SLC12A7: variants seen among roughly 807,000 people sequenced by gnomAD.
The protein encoded by SLC12A7 is solute carrier family 12 member 7.
SLC12A7 carries 100 observed loss-of-function variants against 120.6 expected under a neutral mutation model. That is an observed-to-expected ratio of 0.83 (90% confidence interval 0.71 to 0.98). The LOEUF is 0.98. Among genes scored for constraint, SLC12A7 ranks in the 50% least tolerant of loss-of-function variants. The pLI is 0.00. For missense variants in SLC12A7, 1,373 were observed against 1,548.1 expected, an observed-to-expected ratio of 0.89 and a Z score of 1.90; for synonymous variants, 760 against 678.0, an observed-to-expected ratio of 1.12 and a Z score of -1.88.
intron 1 of SLC12A7, among the ~76,000 whole-genome samples, chr5:1,096,797 G>GAGGGA (rs1741251857): frequency 1.9e-5 from 1 of 53,122 alleles, no homozygotes; most frequent in African/African-American, 6.2e-5. Context: ...GGGAAGGAAG[G>GAGGGA]AGGGAGGGAA....
intron 22 of SLC12A7, chr5:1,057,241 C>T: frequency 1.9e-6 from 1 of 519,930 alleles, no homozygotes; most frequent in Non-Finnish European, 3.4e-6. Context: ...CCGGCCTTGG[C>T]ACTAGAAGGA....
chr5:1,152,415 G>C, the SLC12A7 span, among the ~76,000 whole-genome samples: 1 of 152,380 alleles, frequency 6.6e-6, no homozygotes, highest in East Asian at 1.9e-4. Flanking sequence ...TAGCCGGAAA[G>C]CCCCTGTCAG....
the SLC12A7 span, among the ~76,000 whole-genome samples, chr5:1,122,508 G>C: frequency 1.3e-5 from 2 of 152,254 alleles, no homozygotes; most frequent in African/African-American, 4.8e-5. Flanking sequence ...ACATAAAATT[G>C]CCATTTTCAC....
chr5:1,142,182 C>T, the SLC12A7 span, among the ~76,000 whole-genome samples: 1 of 151,898 alleles, frequency 6.6e-6, no homozygotes, highest in Admixed American at 6.5e-5. Context: ...CCATACAGAG[C>T]CCAGACGCTC....
chr5:1,068,793 A>G (rs1579342421), intron 17 of SLC12A7, among the ~76,000 whole-genome samples: 1 of 152,260 alleles, frequency 6.6e-6, no homozygotes, highest in African/African-American at 2.4e-5. Context: ...AGCTCTTCCC[A>G]TGGCCGTGAA....
Position 1,112,050 on chromosome 5 carries a change from G to A in SLC12A7, c.-59C>T. The A allele has an allele frequency of 3.3e-6, 4 of 1,208,570 alleles. No individual in the cohort carries two copies. The highest frequency in any genetic ancestry group is 4.1e-6 in the Non-Finnish European group (4 of 972,188). The allele number at this position is 1,208,570 out of a possible 1,614,324, so 74.9% of individuals were successfully genotyped here. A position where few individuals can be genotyped will look rare whatever the true frequency, so the allele number is the denominator to read the frequency against. ...CGGCCCGCGCTGCGCCGCTCCCGCC[G>A]ACGCCACGGGACTTGGAGGCAGGGG... On this transcript the variant is annotated 5_prime_UTR_variant, in exon 1 of 24. Transcript: ENST00000264930.
In SLC12A7 at chr5:1,069,371, C is replaced by T. The variant is rs543829951; in HGVS notation, c.2242-3893G>A. Reference sequence around the variant, plus strand: ...GCCCAGACCTGGACGGGCCTCAGTGCGGCTGTGGTTGTGCAGAGAAACGGA... The same window carrying T: ...GCCCAGACCTGGACGGGCCTCAGTGTGGCTGTGGTTGTGCAGAGAAACGGA... On this transcript the variant is annotated intron_variant, in intron 17 of 23. Transcript: ENST00000264930. Among the ~76,000 whole-genome samples, 13 of 152,372 alleles carry T rather than the reference C, an allele frequency of 8.5e-5. No homozygotes were observed. In the South Asian group the frequency reaches 1.5e-3, roughly 17 times the overall value.
intron 3 of SLC12A7, among the ~76,000 whole-genome samples, chr5:1,089,332 G>A (rs980133127): frequency 2.6e-5 from 4 of 152,158 alleles, no homozygotes; most frequent in African/African-American, 9.7e-5. Context: ...TAGGGGAGGG[G>A]AGCAGAACCA....
the SLC12A7 span, among the ~76,000 whole-genome samples, chr5:1,125,269 G>GT: frequency 9.0e-3 from 243 of 27,046 alleles, 2 homozygotes; most frequent in African/African-American, 0.17. Context: ...TTAAACGAAA[G>GT]TGTGTGTGTG....
chr5:1,105,357 G>A (rs904160287), intron 1 of SLC12A7, among the ~76,000 whole-genome samples: 4 of 147,664 alleles, frequency 2.7e-5, no homozygotes, highest in Non-Finnish European at 6.0e-5. Context: ...AGCCAAAGGG[G>A]ACCCTCCCTG....
At chr5:1,100,587 GAGGAAGACGGCGCCCTC>G (rs1741915777) in intron 1 of SLC12A7, among the ~76,000 whole-genome samples, 1 of 152,256 alleles carries the variant, frequency 6.6e-6, no homozygotes, top group South Asian at 2.1e-4. Flanking sequence ...GGTAACAGAG[GAGGAAGACGGCGCCCTC>G]GGGGAGACCG....
the SLC12A7 span, among the ~76,000 whole-genome samples, chr5:1,129,379 A>G: frequency 6.6e-6 from 1 of 152,206 alleles, no homozygotes; most frequent in African/African-American, 2.4e-5. Context: ...CAAGGCAAGG[A>G]GGTGGCCATG....
At chr5:1,128,355 G>T in the SLC12A7 span, among the ~76,000 whole-genome samples, 1 of 152,326 alleles carries the variant, frequency 6.6e-6, no homozygotes, top group African/African-American at 2.4e-5. Flanking sequence ...TGGTGGCCTC[G>T]CTCCAGGAAA....
At chr5:1,055,573 C>G (rs1288902955) in intron 22 of SLC12A7, among the ~76,000 whole-genome samples, 1 of 152,206 alleles carries the variant, frequency 6.6e-6, no homozygotes, top group Admixed American at 6.5e-5. Flanking sequence ...CACATGAATA[C>G]AAAGCCCACG....
the SLC12A7 span, among the ~76,000 whole-genome samples, chr5:1,154,890 C>G: frequency 7.2e-5 from 11 of 152,210 alleles, no homozygotes; most frequent in African/African-American, 2.4e-4. Context: ...CCTCGGGGCA[C>G]CCAGGTCCCA....
chr5:1,056,147 T>C (rs1232862169), intron 22 of SLC12A7, among the ~76,000 whole-genome samples: 1 of 152,180 alleles, frequency 6.6e-6, no homozygotes, highest in Non-Finnish European at 1.5e-5. Context: ...AGAACTGATC[T>C]GCACCCCTCT....
intron 9 of SLC12A7, among the ~76,000 whole-genome samples, chr5:1,080,710 C>T (rs1018852692): frequency 6.6e-6 from 1 of 152,172 alleles, no homozygotes; most frequent in African/African-American, 2.4e-5. Flanking sequence ...CAACCAAGGG[C>T]CCCACCCACC....
At chr5:1,091,858 C>A (rs1301158602) in intron 3 of SLC12A7, among the ~76,000 whole-genome samples, 2 of 152,238 alleles carry the variant, frequency 1.3e-5, no homozygotes, top group Non-Finnish European at 2.9e-5. Context: ...CTGGCAACAC[C>A]CAATTCCGCA....
chr5:1,096,734 G>GAAA (rs1561097860), intron 1 of SLC12A7, among the ~76,000 whole-genome samples: 1 of 19,052 alleles, frequency 5.2e-5, no homozygotes. Flanking sequence ...GGAGGGAGGG[G>GAAA]GGAAGGGAGG....
Sources: allele counts gnomAD v4.1 joint callset (sites outside exome capture counted in the v4.1 genomes callset), GRCh38; gene constraint gnomAD v4.1.1; transcripts MANE v1.5; gene names NCBI Gene and HGNC (gene_info 2026-07-23, HGNC 2026-07-21).